The following THSD4 variants were observed in gnomAD, a reference collection of about 807,000 sequenced individuals.
THSD4 encodes thrombospondin type 1 domain containing 4, also known as thrombospondin type-1 domain-containing protein 4.
In THSD4, 69 loss-of-function variants were observed where a neutral mutation model predicts 119.0. That is an observed-to-expected ratio of 0.58 (90% confidence interval 0.48 to 0.71). THSD4 has a LOEUF of 0.71. Ranked by LOEUF, THSD4 falls within the 30% of genes least tolerant of loss-of-function variation. The probability of loss-of-function intolerance (pLI) is 0.00; values close to 1 mark genes in which losing one functional copy is unlikely to be tolerated. For missense variants in THSD4, 1,393 were observed against 1,391.1 expected (o/e 1.00, Z -0.02); for synonymous variants, 524 against 540.4 (o/e 0.97, Z 0.42).
intron 8 of THSD4, among the ~76,000 whole-genome samples, chr15:71,714,867 C>T (rs1000025153): frequency 7.2e-5 from 11 of 151,982 alleles, no homozygotes; most frequent in African/African-American, 2.7e-4. Flanking sequence ...GCACGTGTAC[C>T]CCCAATCCTA....
rs151121706 is a variant in THSD4, at chr15:71,498,417, T to C, written c.1152+86594T>C. On this transcript the variant is annotated intron_variant, in intron 7 of 17. Coordinates refer to ENST00000261862, the MANE Select transcript of THSD4 (RefSeq NM_024817.3). ...TTTCACCCCAGTTGTGCTTGGGTGTTGATAATGTCTGGCTGATAGTAGTTG... is the reference window on the plus strand; with the variant it reads ...TTTCACCCCAGTTGTGCTTGGGTGTCGATAATGTCTGGCTGATAGTAGTTG... Among the ~76,000 whole-genome samples, 529 of 152,342 alleles carry C rather than the reference T, an allele frequency of 3.5e-3. 5 individuals carry two copies. Among genetic ancestry groups the C allele is most frequent in the African/African-American group, 0.012 (498 of 41,574 alleles).
chr15:71,763,257 TTCTC>T (rs142788558), intron 15 of THSD4, among the ~76,000 whole-genome samples: 19,574 of 151,976 alleles, frequency 0.13, 2,497 homozygotes, highest in African/African-American at 0.32. Context: ...GTGTTTTTCT[TTCTC>T]TCTATTTTTA....
chr15:71,592,631 T>C (rs990384709), intron 7 of THSD4, among the ~76,000 whole-genome samples: 7 of 152,072 alleles, frequency 4.6e-5, no homozygotes, highest in African/African-American at 1.7e-4. Flanking sequence ...GATTCACTTT[T>C]ATAGATAGGT....
At chr15:71,500,860 A>G (rs1322933779) in intron 7 of THSD4, among the ~76,000 whole-genome samples, 1 of 152,166 alleles carries the variant, frequency 6.6e-6, no homozygotes. Flanking sequence ...CCAGTACCAC[A>G]TTGTTCTGAT....
At chr15:71,648,515 AT>A (rs2051017132) in intron 7 of THSD4, among the ~76,000 whole-genome samples, 1 of 152,156 alleles carries the variant, frequency 6.6e-6, no homozygotes, top group Admixed American at 6.5e-5. Flanking sequence ...AAAAGAAAGC[AT>A]TTTCTTTAAG....
At chr15:71,097,189 A>C (rs1382803628) in intron 1 of THSD4, among the ~76,000 whole-genome samples, 2 of 152,250 alleles carry the variant, frequency 1.3e-5, no homozygotes, top group Non-Finnish European at 2.9e-5. Context: ...TATTGAAACT[A>C]TTCAACCAGC....
At chr15:71,173,536 G>A (rs1013055561) in intron 3 of THSD4, among the ~76,000 whole-genome samples, 2 of 147,476 alleles carry the variant, frequency 1.4e-5, no homozygotes, top group African/African-American at 5.0e-5. Context: ...GAATAGAATA[G>A]AGCATAAAAA....
intron 6 of THSD4, among the ~76,000 whole-genome samples, chr15:71,314,214 TTTTG>T (rs1270993228): frequency 6.6e-6 from 1 of 152,176 alleles, no homozygotes; most frequent in African/African-American, 2.4e-5. Context: ...TTTTTTTCTC[TTTTG>T]TTTGATTTAG....
At chr15:71,642,148 TCAAA>T (rs1482557304) in intron 7 of THSD4, among the ~76,000 whole-genome samples, 1 of 151,988 alleles carries the variant, frequency 6.6e-6, no homozygotes, top group African/African-American at 2.4e-5. Context: ...CCGGAGAAAG[TCAAA>T]CAAAATCAGA....
At chr15:71,764,935 CCCGT>C in intron 15 of THSD4, 81 bp from the exon 16 acceptor site, 1 of 1,462,294 alleles carries the variant, frequency 6.8e-7, no homozygotes, top group Non-Finnish European at 9.2e-7. Context: ...ATTGACGGTG[CCCGT>C]CATAAGCATC....
chr15:71,254,930 A>G (rs1205147146), intron 5 of THSD4, among the ~76,000 whole-genome samples: 1 of 152,090 alleles, frequency 6.6e-6, no homozygotes, highest in African/African-American at 2.4e-5. Context: ...TTCTTGCTCC[A>G]TATGGTTCGG....
intron 12 of THSD4, among the ~76,000 whole-genome samples, chr15:71,746,604 A>G (rs575474188): frequency 6.6e-6 from 1 of 152,290 alleles, no homozygotes; most frequent in Non-Finnish European, 1.5e-5. Context: ...CATGTTGCCC[A>G]GGCTGGTCTC....
At chr15:71,706,508 T>TAGAATGCAG (rs2052395724) in intron 8 of THSD4, among the ~76,000 whole-genome samples, 1 of 152,148 alleles carries the variant, frequency 6.6e-6, no homozygotes, top group South Asian at 2.1e-4. Context: ...GTCCAAGGGA[T>TAGAATGCAG]AGAATGCAGA....
intron 1 of THSD4, among the ~76,000 whole-genome samples, chr15:71,124,809 G>A (rs774208996): frequency 1.8e-4 from 27 of 152,154 alleles, no homozygotes; most frequent in South Asian, 2.1e-4. Context: ...TTGGGAGGCC[G>A]GGATGAGAAG....
At chr15:71,550,923 G>T (rs2048916868) in intron 7 of THSD4, among the ~76,000 whole-genome samples, 1 of 152,098 alleles carries the variant, frequency 6.6e-6, no homozygotes, top group African/African-American at 2.4e-5. Flanking sequence ...CAATTTTATG[G>T]CATGTAAATT....
At chr15:71,335,091 G>A (rs923149917) in intron 6 of THSD4, among the ~76,000 whole-genome samples, 4 of 152,144 alleles carry the variant, frequency 2.6e-5, no homozygotes, top group Admixed American at 1.3e-4. Context: ...ACTCATCTGT[G>A]AAACATGTTG....
chr15:71,341,652 T>C (rs2045579332), intron 6 of THSD4: 9 of 1,527,280 alleles, frequency 5.9e-6, no homozygotes, highest in East Asian at 2.2e-5. Flanking sequence ...ACACGAAGAT[T>C]GGAACCTCTT....
In THSD4 at chr15:71,202,823, G is replaced by A. The variant is rs148082516; in HGVS notation, c.100-12212G>A. Reference sequence around the variant, plus strand: ...GGGCATCTCTTGGCTTCTGGAGCAGGCCGATCTGAGTTTGAATTCTGGCAG... The same window carrying A: ...GGGCATCTCTTGGCTTCTGGAGCAGACCGATCTGAGTTTGAATTCTGGCAG... On this transcript the variant is annotated intron_variant, in intron 3 of 17. Coordinates refer to ENST00000261862, the MANE Select transcript of THSD4 (RefSeq NM_024817.3). 6.6e-5 allele frequency among the ~76,000 whole-genome samples: 10 copies of A among 152,278 alleles called. No individual in the cohort carries two copies. The East Asian group carries it at 1.9e-3, about 29-fold the overall frequency.
In THSD4 at chr15:71,714,761, G is replaced by A. The variant is rs138616699; in HGVS notation, c.1358-13788G>A. 3.4e-3 allele frequency among the ~76,000 whole-genome samples: 525 copies of A among 152,244 alleles called. 4 individuals are homozygous for A. Among genetic ancestry groups the A allele is most frequent in the African/African-American group, 0.012 (486 of 41,546 alleles). ...CTTGGGAGGCTGAGGCAGGAGAATC[G>A]CTTGTGGAGGTTGCAGTGAGCCAAG... On this transcript the variant is annotated intron_variant, in intron 8 of 17. Coordinates refer to ENST00000261862, the MANE Select transcript of THSD4 (RefSeq NM_024817.3).
Sources: gnomAD v4.1 joint callset for allele counts (sites outside exome capture counted in the v4.1 genomes callset) on GRCh38, gnomAD v4.1.1 for gene constraint, MANE v1.5 for transcripts, NCBI Gene and HGNC (gene_info 2026-07-23, HGNC 2026-07-21) for gene names.